The following TRAPPC10 variants were observed in gnomAD, a reference collection of about 807,000 sequenced individuals.
TRAPPC10 encodes TRAPP 130 kDa subunit.
Under a neutral mutation model 125.5 loss-of-function variants are expected in TRAPPC10, and 23 were observed. The ratio of observed to expected loss-of-function variants is 0.18; its 90% CI spans 0.13 to 0.26. TRAPPC10 has a LOEUF of 0.26. Ranked by LOEUF, TRAPPC10 falls within the 10% of genes least tolerant of loss-of-function variation. The pLI, the probability that TRAPPC10 is intolerant of heterozygous loss-of-function variation, is 1.00. For synonymous variants in TRAPPC10, 509 were observed against 518.0 expected (o/e 0.98, Z 0.24); for missense variants, 1,123 against 1,308.4 (o/e 0.86, Z 2.19).
At chr21:44,032,302 G>T in intron 2 of TRAPPC10, 130 bp downstream of exon 2, 2 of 597,782 alleles carry the variant, frequency 3.3e-6, no homozygotes, top group East Asian at 3.6e-5. Flanking sequence ...AAAAGCCTCA[G>T]TTCTAAAGAA....
At chr21:44,094,717 A>G (rs1334118107) in intron 20 of TRAPPC10, among the ~76,000 whole-genome samples, 2 of 152,222 alleles carry the variant, frequency 1.3e-5, no homozygotes, top group Non-Finnish European at 2.9e-5. Context: ...TGTGGAATGA[A>G]GAGTAGCCTT....
chr21:44,020,926 C>G (rs1033753579), intron 1 of TRAPPC10, among the ~76,000 whole-genome samples: 3 of 152,210 alleles, frequency 2.0e-5, no homozygotes, highest in African/African-American at 7.2e-5. Context: ...TGTCTGATGA[C>G]TCCTGCTTTA....
At chr21:44,070,290 G>A (rs986528994) in intron 7 of TRAPPC10, among the ~76,000 whole-genome samples, 1 of 152,226 alleles carries the variant, frequency 6.6e-6, no homozygotes, top group African/African-American at 2.4e-5. Context: ...GCAATCAGGA[G>A]AGGAGGAGGG....
chr21:44,025,824 GTGTGTGTGTGTGTGTGTGTGTGTGTGTGT>G (rs2032996313), intron 1 of TRAPPC10, among the ~76,000 whole-genome samples: 1 of 1,534 alleles, frequency 6.5e-4, no homozygotes, highest in Admixed American at 7.0e-3. Flanking sequence ...GGGCAGGGGT[GTGTGTGTGTGTGTGTGTGTGTGTGTGTGT>G]GTGTGTGTGT....
At chr21:44,090,255 A>G (rs1219020037) in intron 18 of TRAPPC10, among the ~76,000 whole-genome samples, 1 of 152,002 alleles carries the variant, frequency 6.6e-6, no homozygotes, top group African/African-American at 2.4e-5. Context: ...CTTGCAGGCC[A>G]GGTTTCCTCT....
chr21:44,055,937 C>T (rs781710508), intron 5 of TRAPPC10, 44 bp downstream of exon 5: 2 of 1,467,078 alleles, frequency 1.4e-6, no homozygotes, highest in South Asian at 1.4e-5. Flanking sequence ...TCTCTCCTTC[C>T]CTCCTTTGTT....
At chr21:44,013,716 TCTC>T (rs936815484) in intron 1 of TRAPPC10, among the ~76,000 whole-genome samples, 5 of 152,208 alleles carry the variant, frequency 3.3e-5, no homozygotes, top group Admixed American at 6.5e-5. Context: ...TCTCTTCTCC[TCTC>T]CTCCTCTCTC....
At chr21:44,023,021 A>G (rs117546868) in intron 1 of TRAPPC10, among the ~76,000 whole-genome samples, 1,463 of 113,560 alleles carry the variant, frequency 0.013, 15 homozygotes, top group Non-Finnish European at 0.019. Context: ...TCATTTCCCT[A>G]TGTCTTTTTT....
intron 6 of TRAPPC10, among the ~76,000 whole-genome samples, chr21:44,061,280 G>A (rs747870552): frequency 1.8e-4 from 27 of 152,132 alleles, no homozygotes; most frequent in Non-Finnish European, 3.2e-4. Flanking sequence ...GCGACTACAG[G>A]TGCCCGCCAC....
At chr21:44,089,781 T>C in intron 17 of TRAPPC10, 52 bp from the exon 18 acceptor site, 1 of 1,422,612 alleles carries the variant, frequency 7.0e-7, no homozygotes, top group South Asian at 1.2e-5. Context: ...TGGTGGTGGC[T>C]GTGCTGTCCG....
rs1294449738 is a variant in TRAPPC10 at position 44,080,068 on chromosome 21, A to G, written c.1664A>G (p.Glu555Gly). The G allele has an allele frequency of 6.2e-7, 1 of 1,614,166 alleles. No individual in the cohort carries two copies. Among genetic ancestry groups the G allele is most frequent in the Non-Finnish European group, 8.5e-7 (1 of 1,180,030 alleles). The change falls in exon 13 of 23, where the codon GAG (glutamate) becomes GGG (glycine). Residue 555 changes from glutamate (E) to glycine (G), a missense_variant. Physicochemically the swap from Glu to Gly is moderately conservative, Grantham distance 98. This residue lies in a region of TRAPPC10 where 840 missense variants were observed against 902.0 expected (regional missense o/e 0.93). Transcript: ENST00000291574. ...AGTGACCACCACCTCACTGAAGAGG[A>G]GCGCAAGCACTTCTGCCAGGAGATA... ...LASDHHLTEE[E>G]RKHFCQEILD...
At chr21:44,035,014 G>C (rs1212660337) in intron 2 of TRAPPC10, among the ~76,000 whole-genome samples, 1 of 152,194 alleles carries the variant, frequency 6.6e-6, no homozygotes, top group Non-Finnish European at 1.5e-5. Context: ...CCAGGTTTGT[G>C]GTAGTTTGTG....
intron 5 of TRAPPC10, among the ~76,000 whole-genome samples, chr21:44,056,514 G>A (rs920952153): frequency 1.1e-4 from 17 of 152,312 alleles, no homozygotes; most frequent in African/African-American, 3.6e-4. Flanking sequence ...TGATAAGGCC[G>A]CTTCTGCCCA....
At chr21:44,055,317 C>T (rs189431023) in intron 4 of TRAPPC10, among the ~76,000 whole-genome samples, 26 of 152,232 alleles carry the variant, frequency 1.7e-4, no homozygotes, top group Non-Finnish European at 2.9e-4. Context: ...AAGCTAGATG[C>T]GGTGGCTTAT....
At chr21:44,057,380 A>G (rs564533924) in intron 5 of TRAPPC10, among the ~76,000 whole-genome samples, 7 of 151,362 alleles carry the variant, frequency 4.6e-5, no homozygotes, top group Non-Finnish European at 8.8e-5. Context: ...GCTCACTGCA[A>G]CCTCCATCTC....
In TRAPPC10 at chr21:44,063,573, G is replaced by A. The variant is rs370958522; in HGVS notation, c.826G>A (p.Val276Met). ...ANWLTFFCQPVKSWNGLILRK... is the reference protein window; with the variant it reads ...ANWLTFFCQPMKSWNGLILRK... The stretch of plus-strand genomic sequence containing the variant: ...CTGGCTGACTTTTTTCTGCCAGCCA[G>A]TGAAGAGCTGGAACGGATTGATCCT... The change falls in exon 7 of 23, where the codon GTG becomes ATG. Residue 276 changes from valine (V) to methionine (M), a missense_variant. Val to Met is a conservative substitution (Grantham distance 21). Coordinates refer to ENST00000291574, the MANE Select transcript of TRAPPC10 (RefSeq NM_003274.5). The surrounding 1 kb of genome is among the most constrained non-coding windows in gnomAD (Gnocchi z 4.4). The A allele has an allele frequency of 4.3e-6, 7 of 1,614,240 alleles. No individual in the cohort carries two copies. Among genetic ancestry groups the A allele is most frequent in the African/African-American group, 4.0e-5 (3 of 75,072 alleles).
intron 1 of TRAPPC10, among the ~76,000 whole-genome samples, chr21:44,024,925 T>C (rs1034694618): frequency 6.6e-6 from 1 of 152,214 alleles, no homozygotes; most frequent in Admixed American, 6.5e-5. Flanking sequence ...CTTTCTTAGC[T>C]TAGACATTGC....
At chr21:44,046,384 G>T (rs188086442) in intron 3 of TRAPPC10, 1 of 273,740 alleles carries the variant, frequency 3.7e-6, no homozygotes, top group South Asian at 5.0e-5. Flanking sequence ...CCCAGTCAGA[G>T]ATTTGTGGGT....
Position 44,088,278 on chromosome 21 carries a change from G to T in TRAPPC10, c.2769+350G>T, listed in dbSNP as rs538774112. 103 of 272,990 alleles carry T rather than the reference G, an allele frequency of 3.8e-4. No homozygotes were observed. In the South Asian group the frequency reaches 5.3e-3, roughly 14 times the overall value. The allele number at this position is 272,990 out of a possible 1,614,324, so 16.9% of individuals were successfully genotyped here. A position where few individuals can be genotyped will look rare whatever the true frequency, so the allele number is the denominator to read the frequency against. On this transcript the variant is annotated intron_variant, in intron 17 of 22. Transcript: ENST00000291574. ...AGGAGGTCTGTGTCGTGTGTGCCTC[G>T]GTGTCTGTCCACTGAAACTCATAAG... is the stretch of plus-strand genomic sequence containing the variant.
Sources: allele counts gnomAD v4.1 joint callset (sites outside exome capture counted in the v4.1 genomes callset), GRCh38; gene constraint gnomAD v4.1.1; regional missense constraint gnomAD v4.1.1; non-coding constraint Gnocchi (gnomAD v3.1); transcripts MANE v1.5; gene names NCBI Gene and HGNC (gene_info 2026-07-23, HGNC 2026-07-21).